GSE1: variants seen among roughly 807,000 people sequenced by gnomAD.
GSE1 encodes Gse1 coiled-coil protein, also known as genetic suppressor element 1.
GSE1 carries 32 observed loss-of-function variants against 112.6 expected under a neutral mutation model. The observed-to-expected ratio is 0.28, with a 90% CI of 0.21 to 0.38. The LOEUF is 0.38. Among genes scored for constraint, GSE1 ranks in the 10% least tolerant of loss-of-function variants. The pLI, the probability that GSE1 is intolerant of heterozygous loss-of-function variation, is 1.00. For missense variants in GSE1, 2,348 were observed against 1,699.2 expected, an observed-to-expected ratio of 1.38 and a Z score of -6.71; for synonymous variants, 1,115 against 735.6, an observed-to-expected ratio of 1.52 and a Z score of -8.35.
rs74031825 is a variant in GSE1 at position 85,513,367 on chromosome 16, A to G, written c.2465-120547A>G. 6.9e-3 allele frequency among the ~76,000 whole-genome samples: 1,053 copies of G among 152,118 alleles called. 13 individuals carry two copies. The highest frequency in any genetic ancestry group is 0.023 in the African/African-American group (962 of 41,480). On this transcript the variant is annotated intron_variant, in intron 2 of 2. Transcript: ENST00000637419. ...CTGGGTGACCTAAGGCCACTGCCCT[A>G]CCGTCTCTGTGCCCCCATTTGCTCC...
Position 85,478,906 on chromosome 16 carries a change from T to A in GSE1, c.2464+121263T>A, listed in dbSNP as rs1597886401. On this transcript the variant is annotated intron_variant, in intron 2 of 2. Transcript: ENST00000637419. ...TTCTTTCTTTCTTTCTTTCTTTCTTTCTTTCTTTCTTTCTTTCTTTCTCTT... is the reference window on the plus strand; with the variant it reads ...TTCTTTCTTTCTTTCTTTCTTTCTTACTTTCTTTCTTTCTTTCTTTCTCTT... 1.0e-4 allele frequency among the ~76,000 whole-genome samples: 7 copies of A among 66,692 alleles called. 1 individual carries two copies. The South Asian group carries it at 3.4e-3, about 33-fold the overall frequency. 43.8% of individuals were successfully genotyped at this position (66,692 alleles called of 152,430 possible).
chr16:85,643,571 G>A (rs955011112), intron 2 of GSE1, among the ~76,000 whole-genome samples: 1 of 152,304 alleles, frequency 6.6e-6, no homozygotes, highest in East Asian at 1.9e-4. Context: ...AGCTGCCTTG[G>A]TCATGGCAAG....
rs532266814 is a variant in GSE1, at chr16:85,287,927, A to C, written c.2284-69536A>C. On this transcript the variant is annotated intron_variant, in intron 1 of 2. Coordinates refer to the GSE1 transcript ENST00000637419. Reference sequence around the variant, plus strand: ...GCACGGAAGTATTTGTGGAAGGAAGAAATGGAGATCATCATGAAATAAGCG... The same window carrying C: ...GCACGGAAGTATTTGTGGAAGGAAGCAATGGAGATCATCATGAAATAAGCG... Among the ~76,000 whole-genome samples the C allele has an allele frequency of 1.5e-4, 23 of 152,328 alleles. 1 individual carries two copies. The South Asian group carries it at 4.1e-3, about 27-fold the overall frequency.
chr16:85,180,023 G>T (rs1026190219), intron 1 of GSE1, among the ~76,000 whole-genome samples: 1 of 152,248 alleles, frequency 6.6e-6, no homozygotes, highest in Non-Finnish European at 1.5e-5. Context: ...TTGGCGGGGG[G>T]CTGTGGGGCA....
intron 2 of GSE1, among the ~76,000 whole-genome samples, chr16:85,502,701 G>T (rs566445405): frequency 2.6e-5 from 4 of 152,352 alleles, no homozygotes; most frequent in Admixed American, 6.5e-5. Context: ...GACCTGCAGG[G>T]GAGCCTGGGG....
chr16:85,331,359 G>GTGTATATATGTATATATATGTATATA (rs2046340166), intron 1 of GSE1, among the ~76,000 whole-genome samples: 2 of 54,480 alleles, frequency 3.7e-5, no homozygotes, highest in African/African-American at 1.1e-4. Flanking sequence ...GTGTGTGTGT[G>GTGTATATATGTATATATATGTATATA]TGTGTGTATA....
rs533880384 is a variant in GSE1, at chr16:85,491,211, T to G, written c.2464+133568T>G. ...TAGGCACTGTTGTGTTCACGCAGCA[T>G]CAGGCCTCAATTCAGGCCTCTGGGT... On this transcript the variant is annotated intron_variant, in intron 2 of 2. Coordinates refer to the GSE1 transcript ENST00000637419. Among the ~76,000 whole-genome samples the G allele has an allele frequency of 5.6e-4, 86 of 152,242 alleles. 1 individual carries two copies. The highest frequency in any genetic ancestry group is 9.8e-4 in the Admixed American group (15 of 15,286).
rs2045835260 is a variant in GSE1 at position 85,311,206 on chromosome 16, AG to A, written c.2284-46256del. Among the ~76,000 whole-genome samples, 1 of 152,078 alleles carries A rather than the reference AG, an allele frequency of 6.6e-6. No homozygotes were observed. Among genetic ancestry groups the A allele is most frequent in the Non-Finnish European group, 1.5e-5 (1 of 67,990 alleles). ...GTTCCCAGGGTGCCCCCAGCAGAAG[AG>A]CTGAGACTTGAATCCCATGGCACTG... On this transcript the variant is annotated intron_variant, in intron 1 of 2. Transcript: ENST00000637419. This position sits in a 1 kb window ranked among gnomAD's most constrained non-coding sequence, Gnocchi z 4.2.
chr16:85,637,140 C>G (rs1462723881), intron 2 of GSE1, among the ~76,000 whole-genome samples: 1 of 152,236 alleles, frequency 6.6e-6, no homozygotes, highest in Non-Finnish European at 1.5e-5. Flanking sequence ...TTGGGTCACC[C>G]CTAAGAGAAC....
chr16:85,325,414 A>T (rs4783163), intron 1 of GSE1, among the ~76,000 whole-genome samples: 1 of 151,760 alleles, frequency 6.6e-6, no homozygotes, highest in South Asian at 2.1e-4. Context: ...CCAAAAATTG[A>T]GTCCTGTGAT....
intron 1 of GSE1, among the ~76,000 whole-genome samples, chr16:85,605,408 G>A (rs79557046): frequency 0.018 from 2,765 of 152,168 alleles, 100 homozygotes; most frequent in South Asian, 0.053. Flanking sequence ...GTGCTTCCTC[G>A]TAAAACTTTA....
intron 1 of GSE1, among the ~76,000 whole-genome samples, chr16:85,301,375 G>C (rs2045520450): frequency 6.6e-6 from 1 of 152,198 alleles, no homozygotes; most frequent in Non-Finnish European, 1.5e-5. Flanking sequence ...GGTGGTCTCT[G>C]GGAGGCGGGT....
chr16:85,490,936 T>C (rs2050991224), intron 2 of GSE1: 1 of 152,166 alleles, frequency 6.6e-6, no homozygotes, highest in Non-Finnish European at 1.5e-5. Context: ...GCCGGCCAAG[T>C]CTGCTGGATG....
At chr16:85,266,575 A>G (rs1162382401) in intron 1 of GSE1, among the ~76,000 whole-genome samples, 1 of 152,166 alleles carries the variant, frequency 6.6e-6, no homozygotes, top group Non-Finnish European at 1.5e-5. Flanking sequence ...CCTGTCACCC[A>G]GCAGACAAGG....
intron 2 of GSE1, among the ~76,000 whole-genome samples, chr16:85,545,765 T>G (rs2044672597): frequency 6.6e-6 from 1 of 151,488 alleles, no homozygotes; most frequent in Admixed American, 6.6e-5. Context: ...GTTAGTTTGT[T>G]TTTTTGGTTT....
chr16:85,560,895 G>A (rs564781086), intron 1 of GSE1, among the ~76,000 whole-genome samples: 17 of 152,230 alleles, frequency 1.1e-4, no homozygotes, highest in African/African-American at 3.6e-4. Context: ...TTGGGAGGCC[G>A]AGGTGGGTGG....
At chr16:85,172,319 C>T (rs984826504) in intron 1 of GSE1, among the ~76,000 whole-genome samples, 2 of 152,180 alleles carry the variant, frequency 1.3e-5, no homozygotes, top group Non-Finnish European at 2.9e-5. Flanking sequence ...CTTTTGAGAC[C>T]GTGCTTGCTT....
rs1443334237 is a variant in GSE1 at position 85,317,745 on chromosome 16, G to A, written c.2284-39718G>A. 5.9e-5 allele frequency among the ~76,000 whole-genome samples: 9 copies of A among 152,182 alleles called. 1 individual carries two copies. The highest frequency in any genetic ancestry group is 4.6e-4 in the Admixed American group (7 of 15,280). The stretch of plus-strand genomic sequence containing the variant: ...TCATGCACCCTGCGCTGGCTCATTC[G>A]CTTTCCTGCCGCGCTGCCCACCAGT... On this transcript the variant is annotated intron_variant, in intron 1 of 2. Coordinates refer to the GSE1 transcript ENST00000637419.
chr16:85,185,863 G>T (rs866134803), intron 1 of GSE1, among the ~76,000 whole-genome samples: 22 of 152,382 alleles, frequency 1.4e-4, no homozygotes, highest in Middle Eastern at 3.4e-3. Flanking sequence ...CCCTGCGGGG[G>T]CTGGGAGGGC....
Sources: gnomAD v4.1 joint callset for allele counts (sites outside exome capture counted in the v4.1 genomes callset) on GRCh38, gnomAD v4.1.1 for gene constraint, Gnocchi (gnomAD v3.1) non-coding constraint, MANE v1.5 for transcripts, NCBI Gene and HGNC (gene_info 2026-07-23, HGNC 2026-07-21) for gene names.